Variants in GALNT13 observed in about 807,000 individuals in gnomAD.
GALNT13 encodes UDP-GalNAc:polypeptide N-acetylgalactosaminyltransferase 13.
GALNT13 carries 28 observed loss-of-function variants against 64.2 expected under a neutral mutation model. The ratio of observed to expected loss-of-function variants is 0.44; its 90% CI spans 0.32 to 0.60. The LOEUF is 0.60. Ranked by LOEUF, GALNT13 falls within the 20% of genes least tolerant of loss-of-function variation. The pLI, the probability that GALNT13 is intolerant of heterozygous loss-of-function variation, is 0.05. For synonymous variants in GALNT13, 214 were observed against 224.6 expected, an observed-to-expected ratio of 0.95 and a Z score of 0.42; for missense variants, 577 against 669.8, an observed-to-expected ratio of 0.86 and a Z score of 1.53.
chr2:154,363,240 ACTACTCTTTCAT>A (rs1346874625), intron 9 of GALNT13, among the ~76,000 whole-genome samples: 1 of 152,184 alleles, frequency 6.6e-6, no homozygotes, highest in Non-Finnish European at 1.5e-5. Context: ...AGTTTGAATC[ACTACTCTTTCAT>A]CTTCTCTGCC....
the GALNT13 span, among the ~76,000 whole-genome samples, chr2:153,411,440 G>A: frequency 6.6e-6 from 1 of 152,092 alleles, no homozygotes; most frequent in Non-Finnish European, 1.5e-5. Context: ...AGATAGAAGA[G>A]GCAACTAATT....
At chr2:153,311,606 C>T in the GALNT13 span, among the ~76,000 whole-genome samples, 2 of 152,186 alleles carry the variant, frequency 1.3e-5, no homozygotes, top group African/African-American at 2.4e-5. Flanking sequence ...GACCGTGCCT[C>T]CCTCACGTGG....
chr2:153,141,327 ACTTGTCTGTC>A, the GALNT13 span, among the ~76,000 whole-genome samples: 1 of 151,944 alleles, frequency 6.6e-6, no homozygotes, highest in African/African-American at 2.4e-5. Context: ...GGCCTTCTCA[ACTTGTCTGTC>A]CTTGTGTGGA....
chr2:153,872,628 G>C (rs1275004004), intron 1 of GALNT13, among the ~76,000 whole-genome samples: 5 of 99,488 alleles, frequency 5.0e-5, no homozygotes, highest in Admixed American at 3.7e-4. Flanking sequence ...GCGGGGGGGG[G>C]GGGGGGAGCG....
In GALNT13 at chr2:154,246,090, AATATAC is replaced by A. The variant is rs1268539576; in HGVS notation, c.857+117_857+122del. 5 of 668,426 alleles carry A rather than the reference AATATAC, an allele frequency of 7.5e-6. No individual in the cohort carries two copies. In the East Asian group the frequency reaches 8.3e-5, roughly 11 times the overall value. 41.4% of individuals were successfully genotyped at this position (668,426 alleles called of 1,614,324 possible). On this transcript the variant is annotated intron_variant, in intron 7 of 12. Transcript: ENST00000392825. ...TTATTTAATTGTATCCTTATTATTC[AATATAC>A]ATATACATTATGACCTTTACATAAT...
chr2:153,662,260 T>C, the GALNT13 span, among the ~76,000 whole-genome samples: 3 of 152,186 alleles, frequency 2.0e-5, no homozygotes, highest in Admixed American at 6.5e-5. Context: ...GGCTATCCCA[T>C]GTCCAGATCT....
chr2:153,443,198 C>T, the GALNT13 span, among the ~76,000 whole-genome samples: 4 of 152,336 alleles, frequency 2.6e-5, no homozygotes, highest in African/African-American at 4.8e-5. Flanking sequence ...AGGGGATCTC[C>T]TGTTTTGCGG....
intron 3 of GALNT13, among the ~76,000 whole-genome samples, chr2:154,138,430 A>T: frequency 6.6e-6 from 1 of 152,198 alleles, no homozygotes; most frequent in South Asian, 2.1e-4. Flanking sequence ...AATTTCCAAA[A>T]ATTATTTTTA....
At chr2:154,413,493 A>C (rs142265760) in intron 11 of GALNT13, among the ~76,000 whole-genome samples, 24 of 152,064 alleles carry the variant, frequency 1.6e-4, no homozygotes, top group East Asian at 9.6e-4. Flanking sequence ...CCACTGCCCA[A>C]AGAATAAAAG....
chr2:153,610,978 A>G, the GALNT13 span, among the ~76,000 whole-genome samples: 1 of 152,182 alleles, frequency 6.6e-6, no homozygotes, highest in Non-Finnish European at 1.5e-5. Context: ...TATAGGAAAT[A>G]CAAGGAAATG....
chr2:154,055,895 T>A (rs1012585887), intron 3 of GALNT13, among the ~76,000 whole-genome samples: 5 of 152,144 alleles, frequency 3.3e-5, no homozygotes, highest in Non-Finnish European at 5.9e-5. Flanking sequence ...TAGCAGAGTA[T>A]AACTGTCTCC....
chr2:153,765,980 TGA>T, the GALNT13 span, among the ~76,000 whole-genome samples: 3 of 152,178 alleles, frequency 2.0e-5, no homozygotes, highest in African/African-American at 7.2e-5. Context: ...TGTGGAACTG[TGA>T]GTCAATTAAA....
rs114672571 is a variant in GALNT13 at position 154,005,331 on chromosome 2, C to T, written c.142+60692C>T. On this transcript the variant is annotated intron_variant, in intron 3 of 12. Transcript: ENST00000392825. ...TTCATATTATATTTTTTATTTGTTGCGAATTTTATTTTCAGGTTTATGCAT... is the reference window on the plus strand; with the variant it reads ...TTCATATTATATTTTTTATTTGTTGTGAATTTTATTTTCAGGTTTATGCAT... Among the ~76,000 whole-genome samples the T allele has an allele frequency of 5.6e-3, 847 of 151,936 alleles. 5 individuals are homozygous for T. The highest frequency in any genetic ancestry group is 8.5e-3 in the Non-Finnish European group (575 of 67,958).
chr2:153,855,503 T>C, the GALNT13 span, among the ~76,000 whole-genome samples: 1 of 152,280 alleles, frequency 6.6e-6, no homozygotes, highest in South Asian at 2.1e-4. Flanking sequence ...TGCTCAACAT[T>C]AGTCATCAGA....
chr2:153,433,609 T>G, the GALNT13 span, among the ~76,000 whole-genome samples: 3 of 152,240 alleles, frequency 2.0e-5, no homozygotes, highest in Middle Eastern at 6.8e-3. Flanking sequence ...GTCAGCATAT[T>G]CTTTGCAAAA....
intron 3 of GALNT13, among the ~76,000 whole-genome samples, chr2:153,981,115 A>G (rs1408051340): frequency 2.0e-5 from 3 of 152,144 alleles, no homozygotes; most frequent in African/African-American, 7.2e-5. Flanking sequence ...TATCATAATT[A>G]TCTCCAAAAT....
chr2:153,147,666 T>A, the GALNT13 span, among the ~76,000 whole-genome samples: 1 of 151,222 alleles, frequency 6.6e-6, no homozygotes, highest in African/African-American at 2.4e-5. Context: ...CATTTAAGTG[T>A]GGGGTGGTTT....
intron 3 of GALNT13, among the ~76,000 whole-genome samples, chr2:154,072,094 A>T (rs1177658970): frequency 1.3e-5 from 2 of 152,168 alleles, no homozygotes. Context: ...CAAAACTAAC[A>T]TCTGTACCAC....
At chr2:154,036,606 T>C (rs978827332) in intron 3 of GALNT13, among the ~76,000 whole-genome samples, 1 of 152,198 alleles carries the variant, frequency 6.6e-6, no homozygotes, top group African/African-American at 2.4e-5. Flanking sequence ...TGTGTGTACA[T>C]GTTTATGTAT....
Sources: gnomAD v4.1 joint callset for allele counts (sites outside exome capture counted in the v4.1 genomes callset) on GRCh38, gnomAD v4.1.1 for gene constraint, MANE v1.5 for transcripts, NCBI Gene and HGNC (gene_info 2026-07-23, HGNC 2026-07-21) for gene names.